The following FBN2 variants were observed in gnomAD, a reference collection of about 807,000 sequenced individuals.
The protein encoded by FBN2 is fibrillin-2.
In FBN2, 105 loss-of-function variants were observed where a neutral mutation model predicts 355.6. The observed-to-expected ratio is 0.30, with a 90% CI of 0.25 to 0.35. FBN2 has a LOEUF of 0.35. FBN2 is among the 10% of genes least tolerant of loss of function. FBN2 has a pLI of 1.00. For missense variants in FBN2, 3,280 were observed against 3,758.7 expected (o/e 0.87, Z 3.33); for synonymous variants, 1,350 against 1,301.2 (o/e 1.04, Z -0.81).
intron 14 of FBN2, among the ~76,000 whole-genome samples, chr5:128,375,956 G>A (rs1752067321): frequency 6.6e-6 from 1 of 152,054 alleles, no homozygotes; most frequent in Non-Finnish European, 1.5e-5. Context: ...GAGGATGCTT[G>A]AGCCCAGGAG....
intron 7 of FBN2, among the ~76,000 whole-genome samples, chr5:128,422,481 T>C (rs114596496): frequency 1.3e-5 from 2 of 152,260 alleles, no homozygotes; most frequent in South Asian, 4.1e-4. Context: ...AGTGGTTTTA[T>C]GGTTAATGTG....
In FBN2 at chr5:128,369,194, C is replaced by T. The variant is rs557189930; in HGVS notation, c.2236G>A (p.Ala746Thr). Residue 746 changes from alanine (A) to threonine (T), a missense_variant, in exon 16 of 65, where the codon GCA becomes ACA. By Grantham distance (58) the Ala-to-Thr change is moderately conservative. This residue lies in a region of FBN2 where 2,284 missense variants were observed against 2,749.5 expected (regional missense o/e 0.83). Coordinates refer to ENST00000262464, the MANE Select transcript of FBN2 (RefSeq NM_001999.4). Reference protein sequence around the residue: ...GFGEPCQPCPAKNSAEFHGLC... With the variant: ...GFGEPCQPCPTKNSAEFHGLC... ...CACATGTGACTACCTGAATTTTTTG[C>T]AGGGCATGGCTGGCAGGGTTCTCCA... The T allele has an allele frequency of 2.1e-5, 34 of 1,614,074 alleles. No individual in the cohort carries two copies. In the South Asian group the frequency reaches 3.3e-4, roughly 16 times the overall value.
chr5:128,328,256 T>G, intron 34 of FBN2: 1 of 321,278 alleles, frequency 3.1e-6, no homozygotes. Context: ...TGAAGAGGAC[T>G]TCCATTCCCA....
rs542084586 is a variant in FBN2, at chr5:128,511,387, C to T, written c.628+7886G>A. On this transcript the variant is annotated intron_variant, in intron 5 of 64. Coordinates refer to ENST00000262464, the MANE Select transcript of FBN2 (RefSeq NM_001999.4). Reference sequence around the variant, plus strand: ...TCTGTGTCTATTTTTCCAGCCTCATCATCTACTCTTTCCTTTCACTAACTG... The same window carrying T: ...TCTGTGTCTATTTTTCCAGCCTCATTATCTACTCTTTCCTTTCACTAACTG... Among the ~76,000 whole-genome samples, 4 of 152,308 alleles carry T rather than the reference C, an allele frequency of 2.6e-5. No individual in the cohort carries two copies. The East Asian group carries it at 7.7e-4, about 29-fold the overall frequency.
Position 128,381,803 on chromosome 5 carries a change from C to T in FBN2, c.1604-2913G>A, listed in dbSNP as rs145516764. Reference sequence around the variant, plus strand: ...TGCATATGGTTATATAGTGTACAACCCTAGGGCATACCACTTATATAGACT... The same window carrying T: ...TGCATATGGTTATATAGTGTACAACTCTAGGGCATACCACTTATATAGACT... On this transcript the variant is annotated intron_variant, in intron 11 of 64. Transcript: ENST00000262464. 2.4e-4 allele frequency among the ~76,000 whole-genome samples: 37 copies of T among 152,094 alleles called. 1 individual carries two copies. In the East Asian group the frequency reaches 6.8e-3, roughly 28 times the overall value.
chr5:128,482,871 G>C (rs991646457), intron 5 of FBN2, among the ~76,000 whole-genome samples: 1 of 152,112 alleles, frequency 6.6e-6, no homozygotes, highest in East Asian at 1.9e-4. Flanking sequence ...TGTGAGACCA[G>C]CCACAAGGTT....
chr5:128,332,163 C>T (rs1198628071), intron 32 of FBN2, among the ~76,000 whole-genome samples: 1 of 152,148 alleles, frequency 6.6e-6, no homozygotes, highest in Non-Finnish European at 1.5e-5. Flanking sequence ...TAAAGCTATT[C>T]TTTAATCCTT....
chr5:128,278,546 G>GT, intron 57 of FBN2, 89 bp downstream of exon 57: 2 of 1,136,454 alleles, frequency 1.8e-6, no homozygotes, highest in Non-Finnish European at 2.7e-6. Flanking sequence ...TCTTTTGATT[G>GT]TATCAATTTT....
At chr5:128,434,988 T>C (rs909384304) in intron 7 of FBN2, among the ~76,000 whole-genome samples, 1 of 152,170 alleles carries the variant, frequency 6.6e-6, no homozygotes, top group African/African-American at 2.4e-5. Context: ...ATTGCAAGAA[T>C]CATGTGAATT....
At chr5:128,534,017 G>A (rs1756782072) in intron 2 of FBN2, among the ~76,000 whole-genome samples, 1 of 152,066 alleles carries the variant, frequency 6.6e-6, no homozygotes, top group Admixed American at 6.6e-5. Flanking sequence ...CCAGAACTTG[G>A]AGAATTACAG....
At chr5:128,484,564 C>G (rs1389129193) in intron 5 of FBN2, among the ~76,000 whole-genome samples, 1 of 152,142 alleles carries the variant, frequency 6.6e-6, no homozygotes, top group Non-Finnish European at 1.5e-5. Context: ...GATGTGCAAA[C>G]TCATCTTCAG....
intron 6 of FBN2, among the ~76,000 whole-genome samples, chr5:128,458,699 C>G (rs1410423660): frequency 6.6e-6 from 1 of 152,014 alleles, no homozygotes; most frequent in Non-Finnish European, 1.5e-5. Flanking sequence ...TGAATGACTC[C>G]TGGGTAAATA....
intron 5 of FBN2, among the ~76,000 whole-genome samples, chr5:128,511,692 A>G (rs2127152666): frequency 6.6e-6 from 1 of 152,320 alleles, no homozygotes; most frequent in East Asian, 1.9e-4. Context: ...TATGGCAGGT[A>G]AAAGGACAGG....
At chr5:128,424,085 G>A (rs331086) in intron 7 of FBN2, among the ~76,000 whole-genome samples, 50,821 of 151,872 alleles carry the variant, frequency 0.33, 10,021 homozygotes, top group African/African-American at 0.53. Flanking sequence ...CTGAAGACTC[G>A]GTCTGTGTAT....
intron 5 of FBN2, among the ~76,000 whole-genome samples, chr5:128,472,088 A>G (rs928895880): frequency 1.3e-5 from 2 of 152,242 alleles, no homozygotes; most frequent in African/African-American, 4.8e-5. Flanking sequence ...ACTATTTGCA[A>G]TAACAAAAGA....
intron 8 of FBN2, among the ~76,000 whole-genome samples, chr5:128,398,021 AAAG>A (rs1285658226): frequency 6.6e-6 from 1 of 152,182 alleles, no homozygotes; most frequent in Non-Finnish European, 1.5e-5. Flanking sequence ...AGGAAAAAAA[AAAG>A]ATCTCTCTTA....
At chr5:128,388,294 T>C (rs1330905300) in intron 11 of FBN2, among the ~76,000 whole-genome samples, 1 of 152,186 alleles carries the variant, frequency 6.6e-6, no homozygotes, top group African/African-American at 2.4e-5. Context: ...TCTTTATCTA[T>C]CTTGCCACCC....
intron 17 of FBN2, chr5:128,365,534 T>C (rs1369042530): frequency 6.6e-6 from 1 of 152,060 alleles, no homozygotes; most frequent in Admixed American, 6.6e-5. Flanking sequence ...AAACATCCTT[T>C]TAAAAGTTTA....
intron 5 of FBN2, among the ~76,000 whole-genome samples, chr5:128,509,731 T>C (rs1230780103): frequency 2.6e-5 from 4 of 152,166 alleles, no homozygotes; most frequent in African/African-American, 7.2e-5. Context: ...AGATGTTTGA[T>C]CCTTTTAGCT....
Sources: gnomAD v4.1 joint callset for allele counts (sites outside exome capture counted in the v4.1 genomes callset) on GRCh38, gnomAD v4.1.1 for gene constraint, gnomAD v4.1.1 regional missense constraint, MANE v1.5 for transcripts, NCBI Gene and HGNC (gene_info 2026-07-23, HGNC 2026-07-21) for gene names.